Variants in MATCAP2 observed in about 807,000 individuals in gnomAD.
MATCAP2 encodes the protein putative tyrosine carboxypeptidase MATCAP2.
chr7:36,334,193 G>T, the MATCAP2 span: 1 of 1,513,278 alleles, frequency 6.6e-7, no homozygotes, highest in Non-Finnish European at 9.0e-7. Flanking sequence ...TGAAGAAAAA[G>T]AAATGCCATT....
At chr7:36,335,092 G>A in the MATCAP2 span, 2 of 1,613,844 alleles carry the variant, frequency 1.2e-6, no homozygotes, top group Non-Finnish European at 1.7e-6. Context: ...CACGTGCAGT[G>A]GACACATTGA....
chr7:36,358,490 GT>G, the MATCAP2 span, among the ~76,000 whole-genome samples: 1 of 152,102 alleles, frequency 6.6e-6, no homozygotes, highest in Non-Finnish European at 1.5e-5. Flanking sequence ...AAAAACAAGG[GT>G]TTTTTCTTGG....
At chr7:36,345,846 A>T in the MATCAP2 span, among the ~76,000 whole-genome samples, 1 of 152,204 alleles carries the variant, frequency 6.6e-6, no homozygotes, top group African/African-American at 2.4e-5. Context: ...CAAAAAGATA[A>T]GATGGACTTC....
At chr7:36,364,841 G>C in the MATCAP2 span, among the ~76,000 whole-genome samples, 1 of 152,200 alleles carries the variant, frequency 6.6e-6, no homozygotes, top group Non-Finnish European at 1.5e-5. Flanking sequence ...ATATTTAAGA[G>C]AGAAAGTAGT....
At chr7:36,339,610 G>C in the MATCAP2 span, among the ~76,000 whole-genome samples, 1 of 152,200 alleles carries the variant, frequency 6.6e-6, no homozygotes, top group East Asian at 1.9e-4. Flanking sequence ...ACAATTAAAA[G>C]CACAAATTAG....
chr7:36,372,523 T>C, the MATCAP2 span, among the ~76,000 whole-genome samples: 1 of 152,224 alleles, frequency 6.6e-6, no homozygotes, highest in Non-Finnish European at 1.5e-5. Context: ...GCCTCTGCCT[T>C]TTTACCTCAA....
the MATCAP2 span, among the ~76,000 whole-genome samples, chr7:36,353,669 C>T: frequency 1.3e-5 from 2 of 151,854 alleles, no homozygotes; most frequent in African/African-American, 2.4e-5. Flanking sequence ...TTAGTAGAGA[C>T]GGGGTTTCAC....
At chr7:36,382,299 CAAAAAAA>C in the MATCAP2 span, among the ~76,000 whole-genome samples, 30 of 62,938 alleles carry the variant, frequency 4.8e-4, no homozygotes, top group African/African-American at 1.6e-3. Context: ...GCGTCTGTCT[CAAAAAAA>C]AAAAAAAAAA....
chr7:36,326,718 C>G, the MATCAP2 span: 1 of 1,557,470 alleles, frequency 6.4e-7, no homozygotes, highest in Non-Finnish European at 8.7e-7. Context: ...TGGTAATATA[C>G]ATGGAGGCAT....
chr7:36,387,086 T>A, the MATCAP2 span, among the ~76,000 whole-genome samples: 2 of 152,146 alleles, frequency 1.3e-5, no homozygotes, highest in South Asian at 4.1e-4. Context: ...CAGCTACAGT[T>A]ATTAGTGAGG....
chr7:36,370,003 T>A, the MATCAP2 span, among the ~76,000 whole-genome samples: 1 of 152,220 alleles, frequency 6.6e-6, no homozygotes, highest in Non-Finnish European at 1.5e-5. Flanking sequence ...AAGCACCATA[T>A]AAAGGTATTT....
chr7:36,334,941 GAAAAT>G, the MATCAP2 span: 6 of 1,104,746 alleles, frequency 5.4e-6, no homozygotes, highest in African/African-American at 9.6e-5. Context: ...CTTCTACTAA[GAAAAT>G]AAAATAAATA....
At chr7:36,354,228 C>A in the MATCAP2 span, among the ~76,000 whole-genome samples, 2 of 152,178 alleles carry the variant, frequency 1.3e-5, no homozygotes, top group Non-Finnish European at 2.9e-5. Flanking sequence ...TCCTGTATCA[C>A]CTCAGTGGTC....
the MATCAP2 span, among the ~76,000 whole-genome samples, chr7:36,389,047 C>T: frequency 6.6e-6 from 1 of 152,124 alleles, no homozygotes; most frequent in Non-Finnish European, 1.5e-5. Context: ...TGAAGGCCAA[C>T]GGGCTAGCAG....
the MATCAP2 span, among the ~76,000 whole-genome samples, chr7:36,378,948 G>A: frequency 3.3e-5 from 5 of 152,334 alleles, no homozygotes; most frequent in South Asian, 2.1e-4. Context: ...TGCTAAGACC[G>A]TTGGAAAAGC....
the MATCAP2 span, chr7:36,390,202 G>T: frequency 1.6e-6 from 2 of 1,231,124 alleles, no homozygotes; most frequent in South Asian, 2.7e-5. Flanking sequence ...GCTGCGGCCT[G>T]CTGTGGTTGG....
At chr7:36,379,849 G>C in the MATCAP2 span, among the ~76,000 whole-genome samples, 12,281 of 125,960 alleles carry the variant, frequency 0.097, 514 homozygotes, top group East Asian at 0.18. Context: ...CACACACACA[G>C]AGAGAGAGAG....
the MATCAP2 span, among the ~76,000 whole-genome samples, chr7:36,338,425 G>A: frequency 6.6e-6 from 1 of 151,476 alleles, no homozygotes; most frequent in Non-Finnish European, 1.5e-5. Flanking sequence ...AGTCTCCTGA[G>A]TAGCTGGGAC....
At chr7:36,340,435 G>A in the MATCAP2 span, among the ~76,000 whole-genome samples, 1 of 152,122 alleles carries the variant, frequency 6.6e-6, no homozygotes, top group Non-Finnish European at 1.5e-5. Context: ...CTATCACAAT[G>A]GTACATAACA....
Sources: allele counts gnomAD v4.1 joint callset (sites outside exome capture counted in the v4.1 genomes callset), GRCh38; gene constraint gnomAD v4.1.1; transcripts MANE v1.5; gene names NCBI Gene and HGNC (gene_info 2026-07-23, HGNC 2026-07-21).